The following EFL1 variants were observed in gnomAD, a reference collection of about 807,000 sequenced individuals.
The protein encoded by EFL1 is elongation factor-like GTPase 1.
EFL1 carries 76 observed loss-of-function variants against 126.7 expected under a neutral mutation model. The observed-to-expected ratio is 0.60, with a 90% CI of 0.50 to 0.73. The LOEUF (loss-of-function observed/expected upper bound fraction) is 0.73, where lower values mean the gene tolerates loss of function less well. EFL1 is among the 30% of genes least tolerant of loss of function. The probability of loss-of-function intolerance (pLI) is 0.00; values close to 1 mark genes in which losing one functional copy is unlikely to be tolerated. For synonymous variants in EFL1, 410 were observed against 448.4 expected (o/e 0.91, Z 1.08); for missense variants, 1,128 against 1,343.2 (o/e 0.84, Z 2.50).
At position 82,220,157 on chromosome 15, in the gene EFL1, T is replaced by C. The variant is rs202088279; in HGVS notation, c.1365A>G (p.Ala455=). The stretch of plus-strand genomic sequence containing the variant: ...GCTCCAAGGGTGCCTGTCCCTGTGC[T>C]GCTGCAAGCTTCTCTGCATGCCTTT... ...ARQRHAEKLA[A]AQGQAPLEPT... Residue 455 remains alanine, a synonymous_variant, in exon 13 of 20, where the codon GCA becomes GCG. Transcript: ENST00000268206. The C allele has an allele frequency of 8.7e-6, 14 of 1,613,856 alleles. No homozygotes were observed. Among genetic ancestry groups the C allele is most frequent in the Middle Eastern group, 1.7e-4 (1 of 6,042 alleles).
At chr15:82,259,064 A>C in intron 3 of EFL1, 24 bp downstream of exon 3, 1 of 1,602,368 alleles carries the variant, frequency 6.2e-7, no homozygotes, top group Non-Finnish European at 8.5e-7. Flanking sequence ...AAATGCAACA[A>C]GTATTTATAA....
intron 12 of EFL1, among the ~76,000 whole-genome samples, chr15:82,221,030 C>A (rs2074706511): frequency 1.3e-5 from 2 of 152,136 alleles, no homozygotes; most frequent in African/African-American, 2.4e-5. Flanking sequence ...TCAACCCCAA[C>A]ACATGAACAA....
At chr15:82,182,659 TAAAA>T (rs1245752231) in intron 15 of EFL1, among the ~76,000 whole-genome samples, 4 of 151,500 alleles carry the variant, frequency 2.6e-5, no homozygotes, top group Admixed American at 6.6e-5. Context: ...CCATCTCTAC[TAAAA>T]AATACAAAAA....
At chr15:82,241,540 G>C (rs1359345271) in intron 4 of EFL1, 137 bp from the exon 5 acceptor site, 1 of 1,085,992 alleles carries the variant, frequency 9.2e-7, no homozygotes, top group African/African-American at 1.6e-5. Context: ...GCTCAATCCA[G>C]AGCTACCATT....
At chr15:82,135,025 A>G (rs1249163968) in intron 19 of EFL1, among the ~76,000 whole-genome samples, 2 of 152,200 alleles carry the variant, frequency 1.3e-5, no homozygotes, top group Non-Finnish European at 1.5e-5. Flanking sequence ...ACTATGGGGG[A>G]AAAACCAAGA....
At chr15:82,253,263 C>G (rs2075039696) in intron 3 of EFL1, among the ~76,000 whole-genome samples, 1 of 151,956 alleles carries the variant, frequency 6.6e-6, no homozygotes, top group African/African-American at 2.4e-5. Context: ...TGGTCTTGAG[C>G]TCCTGACCTG....
At chr15:82,218,682 T>C (rs1199015929) in intron 14 of EFL1, among the ~76,000 whole-genome samples, 10 of 152,300 alleles carry the variant, frequency 6.6e-5, no homozygotes, top group African/African-American at 2.2e-4. Context: ...CAGACTCCCA[T>C]AAAACATAAC....
chr15:82,225,401 C>A, intron 11 of EFL1, 137 bp from the exon 12 acceptor site: 1 of 598,400 alleles, frequency 1.7e-6, no homozygotes, highest in Non-Finnish European at 2.7e-6. Flanking sequence ...TAACTTTTTC[C>A]AACTATGATA....
chr15:82,248,410 T>C (rs1273412307), intron 4 of EFL1, among the ~76,000 whole-genome samples: 1 of 152,166 alleles, frequency 6.6e-6, no homozygotes, highest in Non-Finnish European at 1.5e-5. Flanking sequence ...GACTTTCTGC[T>C]ACATGCTGGC....
chr15:82,218,781 C>T (rs1466525975), intron 14 of EFL1, among the ~76,000 whole-genome samples: 3 of 152,238 alleles, frequency 2.0e-5, no homozygotes, highest in Non-Finnish European at 4.4e-5. Context: ...CGCAGCTCTG[C>T]ACTCTCCAAG....
At chr15:82,172,701 A>G (rs996872198) in intron 15 of EFL1, among the ~76,000 whole-genome samples, 12 of 152,276 alleles carry the variant, frequency 7.9e-5, no homozygotes, top group Non-Finnish European at 1.3e-4. Flanking sequence ...GCTGTTCAAC[A>G]TTTTATCGAC....
intron 8 of EFL1, among the ~76,000 whole-genome samples, chr15:82,229,596 G>T (rs2074800034): frequency 6.6e-6 from 1 of 152,030 alleles, no homozygotes; most frequent in Admixed American, 6.6e-5. Flanking sequence ...GCACCTTGAG[G>T]GGTATACTCT....
At chr15:82,199,497 A>G (rs915462514) in intron 15 of EFL1, among the ~76,000 whole-genome samples, 1 of 152,240 alleles carries the variant, frequency 6.6e-6, no homozygotes, top group Non-Finnish European at 1.5e-5. Flanking sequence ...CTTGTATGAA[A>G]ATGGAAAAGG....
intron 15 of EFL1, among the ~76,000 whole-genome samples, chr15:82,172,191 T>TA (rs1469279189): frequency 2.6e-5 from 4 of 152,118 alleles, no homozygotes; most frequent in Admixed American, 2.6e-4. Context: ...TGCTGGCAGT[T>TA]ATGTGCAGAA....
chr15:82,249,964 C>A (rs142777670), intron 4 of EFL1, among the ~76,000 whole-genome samples: 2,307 of 152,094 alleles, frequency 0.015, 75 homozygotes, highest in African/African-American at 0.053. Context: ...AATTAAGAGT[C>A]AGAACCACAG....
At chr15:82,242,093 GA>G (rs1209920061) in intron 4 of EFL1, among the ~76,000 whole-genome samples, 1 of 149,668 alleles carries the variant, frequency 6.7e-6, no homozygotes, top group East Asian at 2.0e-4. Context: ...AGGCAAACAA[GA>G]AAAAAAAAGA....
At chr15:82,138,401 G>C (rs1323960745) in intron 19 of EFL1, among the ~76,000 whole-genome samples, 1 of 132,400 alleles carries the variant, frequency 7.6e-6, no homozygotes, top group Non-Finnish European at 1.6e-5. Context: ...GAATAAAAAG[G>C]ACAAATGAGA....
At chr15:82,165,278 T>TGAAAGAGAGAGAGC in intron 15 of EFL1, among the ~76,000 whole-genome samples, 1 of 150,062 alleles carries the variant, frequency 6.7e-6, no homozygotes, top group African/African-American at 2.5e-5. Context: ...AGAGAGAGAG[T>TGAAAGAGAGAGAGC]GAAAGAGAGA....
At chr15:82,224,759 A>G (rs1190707717) in intron 12 of EFL1, among the ~76,000 whole-genome samples, 2 of 152,238 alleles carry the variant, frequency 1.3e-5, no homozygotes, top group Non-Finnish European at 2.9e-5. Context: ...TCCTACACCT[A>G]TCACACCTGT....
Sources: allele counts gnomAD v4.1 joint callset (sites outside exome capture counted in the v4.1 genomes callset), GRCh38; gene constraint gnomAD v4.1.1; transcripts MANE v1.5; gene names NCBI Gene and HGNC (gene_info 2026-07-23, HGNC 2026-07-21).